The following OPCML variants were observed in gnomAD, a reference collection of about 807,000 sequenced individuals.
OPCML encodes the protein opioid-binding protein/cell adhesion molecule.
Under a neutral mutation model 37.8 loss-of-function variants are expected in OPCML, and 13 were observed. That is an observed-to-expected ratio of 0.34 (90% CI 0.22 to 0.55). The LOEUF is 0.55. Among genes scored for constraint, OPCML ranks in the 20% least tolerant of loss-of-function variants. The pLI is 0.91. For synonymous variants in OPCML, 176 were observed against 168.8 expected (o/e 1.04, Z -0.33); for missense variants, 341 against 435.6 (o/e 0.78, Z 1.93).
chr11:133,260,023 G>T (rs1320097320), intron 1 of OPCML, among the ~76,000 whole-genome samples: 1 of 152,000 alleles, frequency 6.6e-6, no homozygotes, highest in African/African-American at 2.4e-5. Flanking sequence ...AACAAACCAA[G>T]AAAGGGAGAT....
chr11:132,436,342 G>A (rs7932085), intron 6 of OPCML, 105 bp from the exon 7 acceptor site: 1 of 1,595,464 alleles, frequency 6.3e-7, no homozygotes, highest in Admixed American at 1.8e-5. Flanking sequence ...CAAACCCTAA[G>A]CACTTCAGTG....
intron 3 of OPCML, among the ~76,000 whole-genome samples, chr11:132,638,731 A>G (rs1383049903): frequency 1.3e-5 from 2 of 152,140 alleles, no homozygotes; most frequent in Admixed American, 1.3e-4. Context: ...GACTCAGTGC[A>G]TGAGGACTGT....
chr11:132,901,994 A>G (rs1409338815), intron 2 of OPCML, among the ~76,000 whole-genome samples: 3 of 152,194 alleles, frequency 2.0e-5, no homozygotes, highest in Non-Finnish European at 4.4e-5. Flanking sequence ...TGTTTGCGTC[A>G]TGGGGCATTA....
chr11:133,246,845 G>A (rs2136424085), intron 1 of OPCML, among the ~76,000 whole-genome samples: 1 of 152,304 alleles, frequency 6.6e-6, no homozygotes, highest in Non-Finnish European at 1.5e-5. Flanking sequence ...ATGGTCAGTA[G>A]AAGACAAATT....
intron 1 of OPCML, among the ~76,000 whole-genome samples, chr11:133,184,675 C>T (rs557713610): frequency 6.6e-6 from 1 of 152,184 alleles, no homozygotes; most frequent in Admixed American, 6.5e-5. Context: ...AGTCTACTTC[C>T]GTTCAGTAGG....
chr11:133,212,723 C>T lies in OPCML; in HGVS notation c.62-269713G>A, dbSNP rs1939415902. ...ATTATATGGCTCTGTGTCTATTATC[C>T]ATTCGCTTAGAATAGTGTTTGAATG... On this transcript the variant is annotated intron_variant, in intron 1 of 7. Coordinates refer to ENST00000524381, the MANE Select transcript of OPCML (RefSeq NM_001012393.5). The surrounding 1 kb of genome is among the most constrained non-coding windows in gnomAD (Gnocchi z 4.9). 6.6e-6 allele frequency among the ~76,000 whole-genome samples: 1 copy of T among 152,184 alleles called. No individual in the cohort carries two copies. Among genetic ancestry groups the T allele is most frequent in the Non-Finnish European group, 1.5e-5 (1 of 68,044 alleles).
intron 2 of OPCML, among the ~76,000 whole-genome samples, chr11:132,812,356 T>A (rs1471633652): frequency 6.6e-6 from 1 of 152,076 alleles, no homozygotes; most frequent in Non-Finnish European, 1.5e-5. Flanking sequence ...AATGATATAA[T>A]CTTTTGCGAT....
chr11:133,416,600 T>C (rs1267412975), intron 1 of OPCML, among the ~76,000 whole-genome samples: 1 of 152,212 alleles, frequency 6.6e-6, no homozygotes, highest in East Asian at 1.9e-4. Context: ...CATGAGCTCC[T>C]TGAGAACAAG....
At chr11:133,116,617 G>C (rs1019462239) in intron 1 of OPCML, among the ~76,000 whole-genome samples, 1 of 152,154 alleles carries the variant, frequency 6.6e-6, no homozygotes, top group Non-Finnish European at 1.5e-5. Flanking sequence ...ATACCTAGAA[G>C]TGATCCTGTA....
At chr11:133,017,550 CA>C (rs977800216) in intron 1 of OPCML, among the ~76,000 whole-genome samples, 32 of 152,036 alleles carry the variant, frequency 2.1e-4, no homozygotes, top group African/African-American at 7.7e-4. Context: ...GGCATGCACC[CA>C]GCTAATTTTG....
At chr11:133,311,988 G>C (rs969855650) in intron 1 of OPCML, among the ~76,000 whole-genome samples, 1 of 152,104 alleles carries the variant, frequency 6.6e-6, no homozygotes, top group Non-Finnish European at 1.5e-5. Context: ...TCACTCTGCT[G>C]CAGAATGAGT....
At chr11:133,315,624 C>A (rs1252729554) in intron 1 of OPCML, among the ~76,000 whole-genome samples, 1 of 152,138 alleles carries the variant, frequency 6.6e-6, no homozygotes, top group East Asian at 1.9e-4. Flanking sequence ...CATGGTGAAT[C>A]CCTGTCTCTA....
chr11:133,255,546 A>AT (rs1468365050), intron 1 of OPCML, among the ~76,000 whole-genome samples: 1 of 152,222 alleles, frequency 6.6e-6, no homozygotes, highest in African/African-American at 2.4e-5. Context: ...CAAATAAAAC[A>AT]TTTTTGGATT....
intron 1 of OPCML, among the ~76,000 whole-genome samples, chr11:133,082,042 C>A (rs1948728064): frequency 6.6e-6 from 1 of 152,048 alleles, no homozygotes; most frequent in African/African-American, 2.4e-5. Flanking sequence ...TTCTAGCGCG[C>A]GTTCTTTACT....
intron 1 of OPCML, among the ~76,000 whole-genome samples, chr11:133,105,171 T>C (rs1217667303): frequency 1.3e-5 from 2 of 152,120 alleles, no homozygotes; most frequent in Non-Finnish European, 2.9e-5. Flanking sequence ...AAAAATAAAA[T>C]ATAAGGCCTA....
chr11:132,817,783 G>A (rs1222509834), intron 2 of OPCML, among the ~76,000 whole-genome samples: 1 of 151,842 alleles, frequency 6.6e-6, no homozygotes, highest in African/African-American at 2.4e-5. Flanking sequence ...AAAATGTAAT[G>A]GAAGAAGAGC....
At chr11:133,052,192 G>C (rs1948145016) in intron 1 of OPCML, among the ~76,000 whole-genome samples, 1 of 152,180 alleles carries the variant, frequency 6.6e-6, no homozygotes, top group Non-Finnish European at 1.5e-5. Context: ...AAGGGTTTTG[G>C]AGAGTTGGAG....
At position 133,173,699 on chromosome 11, in the gene OPCML, C is replaced by G. The variant is rs929446932; in HGVS notation, c.62-230689G>C. On this transcript the variant is annotated intron_variant, in intron 1 of 7. Coordinates refer to ENST00000524381, the MANE Select transcript of OPCML (RefSeq NM_001012393.5). The surrounding 1 kb of genome is among the most constrained non-coding windows in gnomAD (Gnocchi z 7.8). ...CAGATAATAACGAGAACCATCAGCA[C>G]CGACTTAGCTTCAATCCTGTGGCAG... Among the ~76,000 whole-genome samples, 1 of 152,196 alleles carries G rather than the reference C, an allele frequency of 6.6e-6. No individual in the cohort carries two copies. Among genetic ancestry groups the G allele is most frequent in the African/African-American group, 2.4e-5 (1 of 41,428 alleles).
At chr11:132,879,640 C>T (rs1476283104) in intron 2 of OPCML, among the ~76,000 whole-genome samples, 3 of 152,032 alleles carry the variant, frequency 2.0e-5, no homozygotes, top group Non-Finnish European at 4.4e-5. Flanking sequence ...TGTGAAGTTC[C>T]GCTGCACAGC....
Sources: allele counts gnomAD v4.1 joint callset (sites outside exome capture counted in the v4.1 genomes callset), GRCh38; gene constraint gnomAD v4.1.1; non-coding constraint Gnocchi (gnomAD v3.1); transcripts MANE v1.5; gene names NCBI Gene and HGNC (gene_info 2026-07-23, HGNC 2026-07-21).